Variants in OPRM1 observed in about 807,000 individuals in gnomAD.
OPRM1 encodes the protein mu-type opioid receptor.
A neutral mutation model predicts 31.8 loss-of-function variants in OPRM1; 27 were observed. That is an observed-to-expected ratio of 0.85 (90% CI 0.63 to 1.17). The LOEUF is 1.17. OPRM1 is among the 50% of genes most tolerant of loss of function. The pLI is 0.00. For missense variants in OPRM1, 536 were observed against 511.1 expected (o/e 1.05, Z -0.47); for synonymous variants, 196 against 189.9 (o/e 1.03, Z -0.26).
chr6:154,084,628 A>AT (rs1036740155), intron 1 of OPRM1, among the ~76,000 whole-genome samples: 1 of 152,090 alleles, frequency 6.6e-6, no homozygotes, highest in Non-Finnish European at 1.5e-5. Flanking sequence ...TCTAGGGAGG[A>AT]TTTTTTTCTC....
chr6:154,198,971 C>G, intron 3 of OPRM1, among the ~76,000 whole-genome samples: 1 of 152,162 alleles, frequency 6.6e-6, no homozygotes, highest in Non-Finnish European at 1.5e-5. Flanking sequence ...AGAAAAGATA[C>G]GTCACGATTG....
chr6:154,057,881 A>C (rs1408245958), intron 1 of OPRM1, among the ~76,000 whole-genome samples: 2 of 152,184 alleles, frequency 1.3e-5, no homozygotes, highest in Admixed American at 6.5e-5. Flanking sequence ...TCCAACCTGA[A>C]ACTTTCACAT....
intron 3 of OPRM1, among the ~76,000 whole-genome samples, chr6:154,175,405 A>ATT: frequency 6.6e-6 from 1 of 151,142 alleles, no homozygotes; most frequent in Non-Finnish European, 1.5e-5. Context: ...TTTTGAAAAG[A>ATT]TCAACAAAAT....
intron 3 of OPRM1, among the ~76,000 whole-genome samples, chr6:154,215,164 A>G (rs974016735): frequency 2.0e-5 from 3 of 152,200 alleles, no homozygotes; most frequent in African/African-American, 7.2e-5. Flanking sequence ...GGCAATGAAC[A>G]AGCCATGAAC....
At chr6:154,116,098 C>T (rs566563786) in intron 3 of OPRM1, among the ~76,000 whole-genome samples, 4 of 152,206 alleles carry the variant, frequency 2.6e-5, no homozygotes, top group Admixed American at 6.5e-5. Context: ...CAGGATCTCC[C>T]GGCAAGAAAA....
intron 3 of OPRM1, among the ~76,000 whole-genome samples, chr6:154,178,154 G>C (rs1259469594): frequency 1.3e-5 from 2 of 151,916 alleles, no homozygotes; most frequent in Non-Finnish European, 2.9e-5. Flanking sequence ...TGGGGGGCTG[G>C]GGGAGGGATA....
rs373332261 is a variant in OPRM1 at position 154,165,038 on chromosome 6, C to T, written c.1164+73566C>T. Among the ~76,000 whole-genome samples the T allele has an allele frequency of 4.6e-5, 7 of 152,284 alleles. No individual in the cohort carries two copies. The East Asian group carries it at 9.6e-4, about 21-fold the overall frequency. ...GCAAATATAAACATTATTGTTAAAA[C>T]AGTTTCCTTGTTTCTGCATGAAACT... On this transcript the variant is annotated intron_variant, in intron 3 of 3. Coordinates refer to the OPRM1 transcript ENST00000337049.
intron 3 of OPRM1, among the ~76,000 whole-genome samples, chr6:154,228,127 T>C (rs920245430): frequency 6.6e-6 from 1 of 152,074 alleles, no homozygotes; most frequent in Admixed American, 6.6e-5. Context: ...AAAATAACTT[T>C]GTTGAATGGG....
intron 3 of OPRM1, among the ~76,000 whole-genome samples, chr6:154,143,932 G>A (rs370272652): frequency 1.7e-4 from 26 of 152,134 alleles, no homozygotes; most frequent in East Asian, 3.8e-4. Context: ...AAGACTGACC[G>A]AAAGAGAAAG....
At chr6:154,109,771 T>C (rs1583588069) in intron 3 of OPRM1, among the ~76,000 whole-genome samples, 1 of 49,998 alleles carries the variant, frequency 2.0e-5, no homozygotes, top group Admixed American at 2.5e-4. Flanking sequence ...TCTCTCCCTC[T>C]CTCTCTCTCT....
chr6:154,110,317 G>A lies in OPRM1; in HGVS notation c.1165-8366G>A, dbSNP rs1583590926. On this transcript the variant is annotated intron_variant, in intron 3 of 3. Coordinates refer to ENST00000330432, the MANE Select transcript of OPRM1 (RefSeq NM_000914.5). ...ATTGCTAAGAATAAGCATTATAATT[G>A]GTACATTGTTCTGTTTTTGAATGAA... 1 of 998,806 alleles carries A rather than the reference G, an allele frequency of 1.0e-6. No homozygotes were observed. The highest frequency in any genetic ancestry group is 1.4e-5 in the South Asian group (1 of 72,574). 61.9% of individuals were successfully genotyped at this position (998,806 alleles called of 1,614,324 possible).
chr6:154,130,328 C>G lies in OPRM1; in HGVS notation c.*11607C>G, dbSNP rs963568661. ...GGACTACAGGTGCCCGCCACAACAC[C>G]TGGCTAATTTTTTGTATTTTTAGTA... is the stretch of plus-strand genomic sequence containing the variant. On this transcript the variant is annotated 3_prime_UTR_variant, in exon 4 of 4. Coordinates refer to ENST00000330432, the MANE Select transcript of OPRM1 (RefSeq NM_000914.5). Among the ~76,000 whole-genome samples the G allele has an allele frequency of 1.1e-4, 17 of 151,998 alleles. No individual in the cohort carries two copies. Among genetic ancestry groups the G allele is most frequent in the African/African-American group, 4.1e-4 (17 of 41,376 alleles).
intron 1 of OPRM1, among the ~76,000 whole-genome samples, chr6:154,064,636 T>A (rs1250600474): frequency 3.9e-5 from 6 of 152,178 alleles, no homozygotes; most frequent in African/African-American, 1.4e-4. Flanking sequence ...TATATTTAGG[T>A]CTTTGATCCA....
intron 1 of OPRM1, among the ~76,000 whole-genome samples, chr6:154,012,912 AG>A (rs1317155287): frequency 6.6e-6 from 1 of 152,066 alleles, no homozygotes; most frequent in Non-Finnish European, 1.5e-5. Flanking sequence ...TCTTCTCATA[AG>A]GGCACTCATC....
chr6:154,232,841 G>A (rs1309269922), intron 3 of OPRM1, among the ~76,000 whole-genome samples: 1 of 151,948 alleles, frequency 6.6e-6, no homozygotes, highest in African/African-American at 2.4e-5. Context: ...TGTAAAATTT[G>A]TTAAAGCTAT....
Position 154,227,237 on chromosome 6 carries a change from T to C in OPRM1, c.1165-19456T>C, listed in dbSNP as rs1389916076. Among the ~76,000 whole-genome samples the C allele has an allele frequency of 2.6e-5, 4 of 151,636 alleles. No individual in the cohort carries two copies. The East Asian group carries it at 5.8e-4, about 22-fold the overall frequency. ...CAAACAAAAAAATTAAAAAATAAAA[T>C]AATAAAAAAATAAAAAACAATAGTT... On this transcript the variant is annotated intron_variant, in intron 3 of 3. Coordinates refer to the OPRM1 transcript ENST00000337049.
chr6:154,134,235 A>C (rs1177016706), downstream of OPRM1, among the ~76,000 whole-genome samples: 1 of 152,186 alleles, frequency 6.6e-6, no homozygotes, highest in Non-Finnish European at 1.5e-5. Context: ...AGGCTTTGGG[A>C]GATGAATTAT....
At chr6:154,064,381 G>A (rs1034244712) in intron 1 of OPRM1, among the ~76,000 whole-genome samples, 19 of 151,936 alleles carry the variant, frequency 1.3e-4, no homozygotes, top group Non-Finnish European at 5.9e-5. Flanking sequence ...TATATGTTCT[G>A]GATATTAATC....
chr6:154,232,235 C>T (rs1178139912), intron 3 of OPRM1, among the ~76,000 whole-genome samples: 1 of 152,182 alleles, frequency 6.6e-6, no homozygotes, highest in African/African-American at 2.4e-5. Flanking sequence ...GTATTAGCAT[C>T]GGGCTGTGAC....
Sources: gnomAD v4.1 joint callset for allele counts (sites outside exome capture counted in the v4.1 genomes callset) on GRCh38, gnomAD v4.1.1 for gene constraint, MANE v1.5 for transcripts, NCBI Gene and HGNC (gene_info 2026-07-23, HGNC 2026-07-21) for gene names.